Variants in ASIC1 observed in about 807,000 individuals in gnomAD.
ASIC1 encodes the protein acid-sensing ion channel 1.
In ASIC1, 21 loss-of-function variants were observed where a neutral mutation model predicts 63.4. That is an observed-to-expected ratio of 0.33 (90% CI 0.23 to 0.48). The LOEUF is 0.48. Among genes scored for constraint, ASIC1 ranks in the 20% least tolerant of loss-of-function variants. ASIC1 has a pLI of 0.99. For synonymous variants in ASIC1, 258 were observed against 278.2 expected, an observed-to-expected ratio of 0.93 and a Z score of 0.72; for missense variants, 478 against 695.5, an observed-to-expected ratio of 0.69 and a Z score of 3.52.
rs748571094 is a variant in ASIC1 at position 50,059,039 on chromosome 12, G to C, written c.273G>C (p.Thr91=). 1 of 1,614,142 alleles carries C rather than the reference G, an allele frequency of 6.2e-7. No individual in the cohort carries two copies. The highest frequency in any genetic ancestry group is 8.5e-7 in the Non-Finnish European group (1 of 1,180,024). The stretch of plus-strand genomic sequence containing the variant: ...CTCAGCTTACCTTCCCTGCTGTCAC[G>C]CTGTGCAACCTCAACGAGTTCCGCT... ...AASQLTFPAV[T]LCNLNEFRFS... is the part of the protein sequence containing the mutation. Residue 91 remains threonine (T), a synonymous_variant, in exon 2 of 12, where the codon ACG becomes ACC. Transcript: ENST00000447966. This position sits in a 1 kb window ranked among gnomAD's most constrained non-coding sequence, Gnocchi z 4.6.
At chr12:50,080,981 C>A in intron 9 of ASIC1, 121 bp from the exon 10 acceptor site, 1 of 965,134 alleles carries the variant, frequency 1.0e-6, no homozygotes, top group Non-Finnish European at 1.5e-6. Flanking sequence ...GCTTTGCGAT[C>A]CTTCTGTGCG....
At chr12:50,071,562 G>T (rs554551257) in intron 3 of ASIC1, among the ~76,000 whole-genome samples, 3 of 152,064 alleles carry the variant, frequency 2.0e-5, no homozygotes, top group African/African-American at 7.2e-5. Context: ...GATTACAGGC[G>T]TGAGCCACCA....
chr12:50,058,638 C>A, intron 1 of ASIC1, 113 bp from the exon 2 acceptor site: 1 of 1,351,176 alleles, frequency 7.4e-7, no homozygotes, highest in Non-Finnish European at 9.9e-7. Context: ...AAGTCTTCTG[C>A]CCGAGGAGTG....
chr12:50,081,019 A>G lies in ASIC1; in HGVS notation c.1298-83A>G, dbSNP rs920849786. On this transcript the variant is annotated intron_variant, in intron 9 of 11. Coordinates refer to ENST00000447966, the MANE Select transcript of ASIC1 (RefSeq NM_001095.4). ...GGCTACCAATCCCTTTGAGAATACA[A>G]CTTGCCTGCCCCAGTCCCAGTAAAC... 3.2e-6 allele frequency: 4 copies of G among 1,259,560 alleles called. No individual in the cohort carries two copies. The African/African-American group carries it at 4.5e-5, about 14-fold the overall frequency. The allele number at this position is 1,259,560 out of a possible 1,614,324, so 78.0% of individuals were successfully genotyped here. A position where few individuals can be genotyped will look rare whatever the true frequency, so the allele number is the denominator to read the frequency against.
chr12:50,067,638 T>G (rs1207075323), intron 3 of ASIC1, among the ~76,000 whole-genome samples: 1 of 152,192 alleles, frequency 6.6e-6, no homozygotes, highest in African/African-American at 2.4e-5. Flanking sequence ...AGGCTGGTCT[T>G]GAGCTCCCGA....
intron 8 of ASIC1, 47 bp from the exon 9 acceptor site, chr12:50,080,451 T>C: frequency 1.3e-6 from 2 of 1,574,498 alleles, no homozygotes; most frequent in Non-Finnish European, 1.7e-6. Flanking sequence ...TAGTAAGAGA[T>C]AGAGATATGA....
At position 50,058,697 on chromosome 12, in the gene ASIC1, C is replaced by T. The variant is rs532960378; in HGVS notation, c.-16-54C>T. ...TGGATGGGCACATGTGGAGGGGCTC[C>T]ATGTGTACTTTCATCCCAGGACAAT... On this transcript the variant is annotated intron_variant, in intron 1 of 11. Coordinates refer to ENST00000447966, the MANE Select transcript of ASIC1 (RefSeq NM_001095.4). 36 of 1,521,764 alleles carry T rather than the reference C, an allele frequency of 2.4e-5. No homozygotes were observed. The Middle Eastern group carries it at 1.7e-3, about 71-fold the overall frequency. 94.3% of individuals were successfully genotyped at this position (1,521,764 alleles called of 1,614,324 possible). A position where few individuals can be genotyped will look rare whatever the true frequency, so the allele number is the denominator to read the frequency against.
chr12:50,060,870 A>G (rs905028797), intron 3 of ASIC1, among the ~76,000 whole-genome samples: 2 of 152,218 alleles, frequency 1.3e-5, no homozygotes, highest in Non-Finnish European at 2.9e-5. Flanking sequence ...CAATGCTTGT[A>G]ACTCTTTCAA....
chr12:50,073,811 C>G (rs1222398488), intron 3 of ASIC1: 8 of 1,533,548 alleles, frequency 5.2e-6, no homozygotes, highest in Non-Finnish European at 7.0e-6. Flanking sequence ...CTCCATGGCA[C>G]CAACCACATT....
intron 7 of ASIC1, 122 bp from the exon 8 acceptor site, chr12:50,079,780 G>T: frequency 1.7e-6 from 2 of 1,208,192 alleles, no homozygotes; most frequent in South Asian, 1.5e-5. Context: ...GCAGGGTGAA[G>T]GGCAGGTCAC....
At chr12:50,080,990 C>A (rs574246973) in intron 9 of ASIC1, 112 bp from the exon 10 acceptor site, 18 of 1,021,802 alleles carry the variant, frequency 1.8e-5, no homozygotes, top group Non-Finnish European at 2.6e-5. Context: ...TCCTTCTGTG[C>A]GAAGGCTACC....
intron 8 of ASIC1, 74 bp downstream of exon 8, chr12:50,080,129 G>A (rs1950699588): frequency 6.5e-7 from 1 of 1,531,162 alleles, no homozygotes; most frequent in African/African-American, 1.4e-5. Context: ...TTTGATGGGG[G>A]CGGGGGCTGG....
chr12:50,067,528 GCCT>G (rs1393557280), intron 3 of ASIC1, among the ~76,000 whole-genome samples: 1 of 151,528 alleles, frequency 6.6e-6, no homozygotes, highest in Non-Finnish European at 1.5e-5. Flanking sequence ...TCCTGCCTCA[GCCT>G]CCTGAGTAGC....
At position 50,059,228 on chromosome 12, in the gene ASIC1, TGC is replaced by T; in HGVS notation, c.362+101_362+102del. ...ACCCACCATAGAGCCCAGCCAACCC[TGC>T]CCTTTAACCCACCCCCACCCCCAAA... is the stretch of plus-strand genomic sequence containing the variant. On this transcript the variant is annotated intron_variant, in intron 2 of 11. Transcript: ENST00000447966. The surrounding 1 kb of genome is among the most constrained non-coding windows in gnomAD (Gnocchi z 4.6). 1 of 1,494,560 alleles carries T rather than the reference TGC, an allele frequency of 6.7e-7. No homozygotes were observed. The highest frequency in any genetic ancestry group is 1.3e-5 in the South Asian group (1 of 77,464). The allele number at this position is 1,494,560 out of a possible 1,614,324, so 92.6% of individuals were successfully genotyped here. A position where few individuals can be genotyped will look rare whatever the true frequency, so the allele number is the denominator to read the frequency against.
chr12:50,060,220 C>T (rs1032529464), intron 3 of ASIC1, among the ~76,000 whole-genome samples: 9 of 152,318 alleles, frequency 5.9e-5, no homozygotes, highest in Non-Finnish European at 1.0e-4. Flanking sequence ...CACACACGTG[C>T]GTGGTCTGGC....
chr12:50,064,303 C>T (rs1950526844), intron 3 of ASIC1, among the ~76,000 whole-genome samples: 2 of 152,100 alleles, frequency 1.3e-5, no homozygotes, highest in Admixed American at 6.5e-5. Context: ...GAGCAGAGCC[C>T]ATTGCAGTTG....
intron 3 of ASIC1, among the ~76,000 whole-genome samples, chr12:50,068,799 A>T (rs1310166148): frequency 6.6e-6 from 1 of 151,916 alleles, no homozygotes; most frequent in Non-Finnish European, 1.5e-5. Context: ...CTGCCTTGAC[A>T]GGATCTGCCA....
intron 7 of ASIC1, 132 bp downstream of exon 7, chr12:50,079,112 G>C: frequency 1.1e-6 from 1 of 898,804 alleles, no homozygotes. Context: ...TCTTGTGTCT[G>C]ACATTAAAGC....
At chr12:50,065,291 C>G (rs1950536049) in intron 3 of ASIC1, among the ~76,000 whole-genome samples, 1 of 152,094 alleles carries the variant, frequency 6.6e-6, no homozygotes, top group Admixed American at 6.5e-5. Context: ...TTCTGGGAGG[C>G]AAAGCTGGAA....
Sources: allele counts gnomAD v4.1 joint callset (sites outside exome capture counted in the v4.1 genomes callset), GRCh38; gene constraint gnomAD v4.1.1; non-coding constraint Gnocchi (gnomAD v3.1); transcripts MANE v1.5; gene names NCBI Gene and HGNC (gene_info 2026-07-23, HGNC 2026-07-21).